Variants in MYO5A observed in about 807,000 individuals in gnomAD.
MYO5A encodes myosin VA, also known as unconventional myosin-Va.
In MYO5A, 98 loss-of-function variants were observed where a neutral mutation model predicts 249.7. The observed-to-expected ratio is 0.39, with a 90% CI of 0.33 to 0.46. The LOEUF is 0.46. Among genes scored for constraint, MYO5A ranks in the 20% least tolerant of loss-of-function variants. The pLI is 0.98. For synonymous variants in MYO5A, 778 were observed against 810.6 expected, an observed-to-expected ratio of 0.96 and a Z score of 0.68; for missense variants, 1,696 against 2,308.8, an observed-to-expected ratio of 0.73 and a Z score of 5.44.
At chr15:52,488,171 T>C (rs2076863482) in intron 1 of MYO5A, among the ~76,000 whole-genome samples, 3 of 151,104 alleles carry the variant, frequency 2.0e-5, no homozygotes, top group Non-Finnish European at 4.4e-5. Flanking sequence ...TTTTGTTGCA[T>C]AGTATTCACC....
Position 52,351,238 on chromosome 15 carries a change from G to T in MYO5A, c.3849+16C>A. On this transcript the variant is annotated intron_variant, in intron 28 of 41. Transcript: ENST00000399233. ...CAGTCCCCGAACACCCAGTTTAATT[G>T]TGTGCTTGCGCTTACCTTGGGTTGG... 1 of 1,608,434 alleles carries T rather than the reference G, an allele frequency of 6.2e-7. No homozygotes were observed. Among genetic ancestry groups the T allele is most frequent in the Non-Finnish European group, 8.5e-7 (1 of 1,175,454 alleles).
chr15:52,438,176 C>T (rs1432425714), intron 1 of MYO5A: 1 of 388,228 alleles, frequency 2.6e-6, no homozygotes, highest in Non-Finnish European at 3.5e-6. Flanking sequence ...CTTCCTACTG[C>T]TTTCATCACT....
chr15:52,401,133 C>A (rs1245060408), intron 9 of MYO5A, among the ~76,000 whole-genome samples: 1 of 148,688 alleles, frequency 6.7e-6, no homozygotes, highest in South Asian at 2.1e-4. Context: ...TGCAGTGGCG[C>A]GATCTTGGCT....
intron 30 of MYO5A, among the ~76,000 whole-genome samples, chr15:52,344,409 C>T (rs568408985): frequency 4.6e-5 from 7 of 152,336 alleles, no homozygotes; most frequent in Non-Finnish European, 7.3e-5. Context: ...GATCACAAAA[C>T]GGTATCACCA....
At chr15:52,399,686 G>T (rs2042659583) in intron 9 of MYO5A, among the ~76,000 whole-genome samples, 1 of 151,618 alleles carries the variant, frequency 6.6e-6, no homozygotes, top group African/African-American at 2.4e-5. Flanking sequence ...AGAATCAGGG[G>T]GCACATGTGC....
chr15:52,314,056 A>G (rs2037872933), intron 41 of MYO5A, 67 bp downstream of exon 41: 1 of 1,413,254 alleles, frequency 7.1e-7, no homozygotes, highest in Non-Finnish European at 1.0e-6. Flanking sequence ...TTATCCTTCA[A>G]TAAATTACAA....
chr15:52,395,282 G>A (rs1270634032), intron 11 of MYO5A, among the ~76,000 whole-genome samples: 1 of 152,048 alleles, frequency 6.6e-6, no homozygotes, highest in East Asian at 1.9e-4. Context: ...CCTCCTTCCC[G>A]CTCTTCCACT....
chr15:52,328,415 C>T (rs921657912), intron 35 of MYO5A, among the ~76,000 whole-genome samples: 1 of 152,198 alleles, frequency 6.6e-6, no homozygotes, highest in Non-Finnish European at 1.5e-5. Flanking sequence ...ACCTCATCCT[C>T]ATTTTTGACT....
At chr15:52,514,087 G>C (rs2077450465) in intron 1 of MYO5A, among the ~76,000 whole-genome samples, 1 of 152,196 alleles carries the variant, frequency 6.6e-6, no homozygotes, top group Non-Finnish European at 1.5e-5. Flanking sequence ...TGAATGATCT[G>C]ATTCGTTAAA....
At chr15:52,367,463 A>C (rs956162855) in intron 22 of MYO5A, among the ~76,000 whole-genome samples, 3 of 151,746 alleles carry the variant, frequency 2.0e-5, no homozygotes, top group Admixed American at 1.3e-4. Context: ...TTTACATTAA[A>C]CATTAAAACA....
intron 1 of MYO5A, among the ~76,000 whole-genome samples, chr15:52,433,897 T>C (rs1346447805): frequency 6.6e-6 from 1 of 152,114 alleles, no homozygotes; most frequent in Non-Finnish European, 1.5e-5. Context: ...ACACATAAGA[T>C]CTATTTTTGA....
At position 52,376,402 on chromosome 15, in the gene MYO5A, T is replaced by A; in HGVS notation, c.2365A>T (p.Met789Leu). 6.2e-7 allele frequency: 1 copy of A among 1,614,166 alleles called. No individual in the cohort carries two copies. Among genetic ancestry groups the A allele is most frequent in the Non-Finnish European group, 8.5e-7 (1 of 1,180,030 alleles). Residue 789 changes from methionine to leucine, a missense_variant, in exon 19 of 42, where the codon ATG becomes TTG. Physicochemically the swap from Met to Leu is conservative, Grantham distance 15. This residue lies in a region of MYO5A where 412 missense variants were observed against 453.3 expected (regional missense o/e 0.91). Coordinates refer to ENST00000399233, the MANE Select transcript of MYO5A (RefSeq NM_001382347.1). ...TGCATGGTGATGGCTGCCTTCCGCA[T>A]GCGTAGGTACTTCTTTCTCAGCAGC... ...GWLLRKKYLR[M>L]RKAAITMQRY...
At chr15:52,484,579 A>C (rs1165346194) in intron 1 of MYO5A, among the ~76,000 whole-genome samples, 1 of 152,192 alleles carries the variant, frequency 6.6e-6, no homozygotes, top group Non-Finnish European at 1.5e-5. Flanking sequence ...TAACAAAACA[A>C]CTTGGTAGAA....
At chr15:52,504,300 T>C (rs1793755298) in intron 1 of MYO5A, among the ~76,000 whole-genome samples, 1 of 152,152 alleles carries the variant, frequency 6.6e-6, no homozygotes, top group African/African-American at 2.4e-5. Flanking sequence ...TTCAGGTTTC[T>C]AAGCCTGGGG....
chr15:52,343,241 A>T (rs1267307206), intron 30 of MYO5A, 44 bp from the exon 31 acceptor site: 1 of 1,515,442 alleles, frequency 6.6e-7, no homozygotes, highest in Non-Finnish European at 9.2e-7. Flanking sequence ...AAAAGGATAC[A>T]GGATGCTGAT....
intron 1 of MYO5A, among the ~76,000 whole-genome samples, chr15:52,515,934 G>T (rs1417968693): frequency 6.6e-6 from 1 of 152,042 alleles, no homozygotes; most frequent in African/African-American, 2.4e-5. Context: ...CAGAGAGAAA[G>T]GAGAATGACA....
intron 21 of MYO5A, among the ~76,000 whole-genome samples, chr15:52,371,303 G>A (rs1025722537): frequency 6.6e-6 from 1 of 151,830 alleles, no homozygotes; most frequent in Non-Finnish European, 1.5e-5. Context: ...TCATTTACAT[G>A]TGCTAAAATA....
chr15:52,384,124 AG>A (rs1263057609), intron 15 of MYO5A, 36 bp downstream of exon 15: 2 of 1,613,300 alleles, frequency 1.2e-6, no homozygotes, highest in South Asian at 2.2e-5. Context: ...TGAGCCAGAA[AG>A]GAAGGAGCGT....
intron 1 of MYO5A, among the ~76,000 whole-genome samples, chr15:52,477,015 C>T (rs1422056819): frequency 1.3e-5 from 2 of 152,374 alleles, no homozygotes; most frequent in Non-Finnish European, 2.9e-5. Flanking sequence ...TTTTCCCCGT[C>T]ACTTTCAGGT....
Sources: allele counts gnomAD v4.1 joint callset (sites outside exome capture counted in the v4.1 genomes callset), GRCh38; gene constraint gnomAD v4.1.1; regional missense constraint gnomAD v4.1.1; transcripts MANE v1.5; gene names NCBI Gene and HGNC (gene_info 2026-07-23, HGNC 2026-07-21).